OR6J1: variants seen among roughly 807,000 people sequenced by gnomAD.
OR6J1 encodes the protein olfactory receptor family 6 subfamily J member 1.
For missense variants in OR6J1, 304 were observed against 166.8 expected, an observed-to-expected ratio of 1.82 and a Z score of -4.53; for synonymous variants, 109 against 70.0, an observed-to-expected ratio of 1.56 and a Z score of -2.78.
At chr14:22,637,785 G>A (rs1160443029) in intron 1 of OR6J1, among the ~76,000 whole-genome samples, 4 of 64,372 alleles carry the variant, frequency 6.2e-5, no homozygotes, top group East Asian at 4.0e-4. Context: ...GGTGAGGGGC[G>A]CCTCTGCCCG....
At chr14:22,635,997 G>T (rs1252193463) in intron 1 of OR6J1, among the ~76,000 whole-genome samples, 3 of 151,828 alleles carry the variant, frequency 2.0e-5, no homozygotes, top group Non-Finnish European at 4.4e-5. Flanking sequence ...TAAAGTTAAA[G>T]GCAAATCACA....
At chr14:22,635,406 T>C (rs928614588) in intron 1 of OR6J1, among the ~76,000 whole-genome samples, 1 of 152,228 alleles carries the variant, frequency 6.6e-6, no homozygotes, top group Non-Finnish European at 1.5e-5. Context: ...AAGCATTATT[T>C]AAGTATTTAT....
chr14:22,642,620 A>G (rs116304649), intron 1 of OR6J1, among the ~76,000 whole-genome samples: 1,690 of 151,726 alleles, frequency 0.011, 31 homozygotes, highest in African/African-American at 0.037. Context: ...TTACAGGGAC[A>G]AGCCACCATG....
Position 22,634,627 on chromosome 14 carries a change from A to C in OR6J1, c.185T>G (p.Leu62Trp). The change falls in exon 2 of 2, where the codon TTG (leucine) becomes TGG (tryptophan). Residue 62 changes from leucine to tryptophan, a missense_variant. Coordinates refer to ENST00000540461, the MANE Select transcript of OR6J1 (RefSeq NM_001348233.2). ...SRLHTPMYFF[L>W]CNLSILDILF... ...GATGTCCAGGATAGAGAGGTTGCAC[A>C]AGAAGAAGTACATGGGGGTGTGGAG... The C allele has an allele frequency of 1.4e-6, 1 of 740,030 alleles. No individual in the cohort carries two copies. Among genetic ancestry groups the C allele is most frequent in the Non-Finnish European group, 2.5e-6 (1 of 401,132 alleles). The allele number at this position is 740,030 out of a possible 1,614,324, so 45.8% of individuals were successfully genotyped here.
At chr14:22,638,028 TG>T (rs1204679990) in intron 1 of OR6J1, among the ~76,000 whole-genome samples, 3 of 99,734 alleles carry the variant, frequency 3.0e-5, no homozygotes, top group East Asian at 2.5e-4. Flanking sequence ...GGGAGGATGG[TG>T]GGGGGGTCAG....
chr14:22,639,712 T>A (rs542626453), intron 1 of OR6J1, among the ~76,000 whole-genome samples: 1 of 124,594 alleles, frequency 8.0e-6, no homozygotes, highest in Non-Finnish European at 1.6e-5. Context: ...CTGAAACATG[T>A]GCTGTGTCCA....
chr14:22,642,120 C>A (rs931947911), intron 1 of OR6J1, among the ~76,000 whole-genome samples: 4 of 152,036 alleles, frequency 2.6e-5, no homozygotes, highest in Admixed American at 1.3e-4. Flanking sequence ...GCCCTACCTT[C>A]CTATAGCCTT....
At chr14:22,641,361 GAAA>G (rs2037648130) in intron 1 of OR6J1, among the ~76,000 whole-genome samples, 1 of 126,712 alleles carries the variant, frequency 7.9e-6, no homozygotes, top group African/African-American at 2.9e-5. Flanking sequence ...AAGAAAGAAA[GAAA>G]GGGGGGAGAG....
chr14:22,642,312 A>AATATATATATATATATATAT lies in OR6J1; in HGVS notation c.-28+1766_-28+1785dup, dbSNP rs71421135. On this transcript the variant is annotated intron_variant, in intron 1 of 1. Transcript: ENST00000540461. The stretch of plus-strand genomic sequence containing the variant: ...TGTCCATCACCACAATCAACTTAAG[A>AATATATATATATATATATAT]ATATATATATATATATATATATATA... Among the ~76,000 whole-genome samples, 289 of 109,040 alleles carry AATATATATATATATATATAT rather than the reference A, an allele frequency of 2.7e-3. 3 individuals are homozygous for AATATATATATATATATATAT. Among genetic ancestry groups the AATATATATATATATATATAT allele is most frequent in the African/African-American group, 4.1e-3 (100 of 24,402 alleles). The allele number at this position is 109,040 out of a possible 152,430, so 71.5% of individuals were successfully genotyped here. A position where few individuals can be genotyped will look rare whatever the true frequency, so the allele number is the denominator to read the frequency against.
At chr14:22,636,021 TATTTATGCCACAG>T in intron 1 of OR6J1, among the ~76,000 whole-genome samples, 1 of 152,136 alleles carries the variant, frequency 6.6e-6, no homozygotes, top group Admixed American at 6.5e-5. Flanking sequence ...AGGAAGAACA[TATTTATGCCACAG>T]ATAATGGACA....
chr14:22,633,943 G>A lies in OR6J1; in HGVS notation c.869C>T (p.Thr290Ile), dbSNP rs1244755580. The change falls in exon 2 of 2, where the codon ACT (threonine) becomes ATT (isoleucine). Residue 290 changes from threonine to isoleucine, a missense_variant. Thr to Ile is a moderately conservative substitution (Grantham distance 89, BLOSUM62 -1). Transcript: ENST00000540461. ...VTPFLNPFIY[T>I]LRNDTVQGVL... ...TCCCTGCACTGTGTCATTCCTCAGA[G>A]TATATATAAAGGGGTTGAGGAATGG... 1.4e-6 allele frequency: 1 copy of A among 702,786 alleles called. No homozygotes were observed. The highest frequency in any genetic ancestry group is 2.7e-5 in the East Asian group (1 of 37,302). The allele number at this position is 702,786 out of a possible 1,614,324, so 43.5% of individuals were successfully genotyped here.
intron 1 of OR6J1, among the ~76,000 whole-genome samples, chr14:22,642,745 C>T (rs1294348636): frequency 1.3e-5 from 2 of 152,096 alleles, no homozygotes; most frequent in East Asian, 1.9e-4. Flanking sequence ...TGAATCATAC[C>T]ATATGTGGTC....
intron 1 of OR6J1, among the ~76,000 whole-genome samples, chr14:22,637,570 G>A (rs1161121253): frequency 1.3e-4 from 6 of 44,452 alleles, no homozygotes; most frequent in Admixed American, 2.8e-4. Flanking sequence ...CAGCCGCCCC[G>A]TCCGGGAGGG....
intron 1 of OR6J1, among the ~76,000 whole-genome samples, chr14:22,641,223 AAGAAAG>A (rs1431520110): frequency 6.6e-5 from 2 of 30,418 alleles, no homozygotes; most frequent in Non-Finnish European, 1.5e-4. Flanking sequence ...GAAAGAAAGA[AAGAAAG>A]AAAGAAAGAA....
In OR6J1 at chr14:22,632,390, G is replaced by A. The variant is rs113552745; in HGVS notation, c.*1378C>T. On this transcript the variant is annotated 3_prime_UTR_variant, in exon 2 of 2. Coordinates refer to ENST00000540461, the MANE Select transcript of OR6J1 (RefSeq NM_001348233.2). Reference sequence around the variant, plus strand: ...AGACCATCCTGGCTAACACAGTGAAGCCCCATCTCTACTAAAAATACAAAA... The same window carrying A: ...AGACCATCCTGGCTAACACAGTGAAACCCCATCTCTACTAAAAATACAAAA... The A allele has an allele frequency of 0.22, 32,099 of 148,750 alleles. 4,365 individuals carry two copies. Among genetic ancestry groups the A allele is most frequent in the African/African-American group, 0.3 (11,950 of 40,132 alleles). 9.2% of individuals were successfully genotyped at this position (148,750 alleles called of 1,614,324 possible). A position where few individuals can be genotyped will look rare whatever the true frequency, so the allele number is the denominator to read the frequency against.
At chr14:22,644,038 A>G (rs1415216632) in intron 1 of OR6J1, 60 bp downstream of exon 1, 1 of 152,352 alleles carries the variant, frequency 6.6e-6, no homozygotes, top group Non-Finnish European at 1.5e-5. Flanking sequence ...ACCTGAGATT[A>G]TAACAGGAAC....
In OR6J1 at chr14:22,634,553, T is replaced by G; in HGVS notation, c.259A>C (p.Arg87=). ...SPKVLANLGS[R]DKTISFAGCI... is the part of the protein sequence containing the mutation. ...CCGGCAAAGGAGATGGTTTTATCCC[T>G]AGATCCTAAGTTGGCCAACACTTTT... is the stretch of plus-strand genomic sequence containing the variant. Residue 87 remains arginine, a synonymous_variant, in exon 2 of 2, where the codon AGG becomes CGG. Coordinates refer to ENST00000540461, the MANE Select transcript of OR6J1 (RefSeq NM_001348233.2). 1.4e-6 allele frequency: 1 copy of G among 706,318 alleles called. No individual in the cohort carries two copies. The highest frequency in any genetic ancestry group is 2.6e-6 in the Non-Finnish European group (1 of 385,918). 43.8% of individuals were successfully genotyped at this position (706,318 alleles called of 1,614,324 possible). A position where few individuals can be genotyped will look rare whatever the true frequency, so the allele number is the denominator to read the frequency against.
intron 1 of OR6J1, among the ~76,000 whole-genome samples, chr14:22,636,575 T>C (rs1257527871): frequency 8.4e-6 from 1 of 119,012 alleles, no homozygotes; most frequent in Non-Finnish European, 1.7e-5. Flanking sequence ...CACGCCTCAC[T>C]GGTTTTCGTT....
intron 1 of OR6J1, among the ~76,000 whole-genome samples, chr14:22,637,591 G>T (rs1358623185): frequency 2.0e-5 from 1 of 48,792 alleles, no homozygotes; most frequent in Non-Finnish European, 4.0e-5. Context: ...AGGTGGGGGG[G>T]TCAGCCCCCC....
Sources: gnomAD v4.1 joint callset for allele counts (sites outside exome capture counted in the v4.1 genomes callset) on GRCh38, gnomAD v4.1.1 for gene constraint, MANE v1.5 for transcripts, NCBI Gene and HGNC (gene_info 2026-07-23, HGNC 2026-07-21) for gene names.